The following N4BP2 variants were observed in gnomAD, a reference collection of about 807,000 sequenced individuals.
The protein encoded by N4BP2 is NEDD4-binding protein 2.
A neutral mutation model predicts 152.8 loss-of-function variants in N4BP2; 91 were observed. The observed-to-expected ratio is 0.60, with a 90% CI of 0.50 to 0.71. N4BP2 has a LOEUF of 0.71. Among genes scored for constraint, N4BP2 ranks in the 30% least tolerant of loss-of-function variants. N4BP2 has a pLI of 0.00. For synonymous variants in N4BP2, 646 were observed against 705.3 expected, an observed-to-expected ratio of 0.92 and a Z score of 1.33; for missense variants, 1,923 against 2,059.1, an observed-to-expected ratio of 0.93 and a Z score of 1.28.
intron 3 of N4BP2, among the ~76,000 whole-genome samples, chr4:40,099,820 T>C (rs1370970407): frequency 6.6e-6 from 1 of 152,204 alleles, no homozygotes; most frequent in Non-Finnish European, 1.5e-5. Flanking sequence ...ATTAAGTTTT[T>C]AGTTGATCTT....
At chr4:40,066,043 G>GC (rs1734014195) in intron 1 of N4BP2, among the ~76,000 whole-genome samples, 1 of 151,778 alleles carries the variant, frequency 6.6e-6, no homozygotes, top group South Asian at 2.1e-4. Flanking sequence ...CGATTCTCCT[G>GC]CCTCAGTCTC....
the N4BP2 span, among the ~76,000 whole-genome samples, chr4:40,178,060 T>C: frequency 1.1e-4 from 16 of 152,210 alleles, no homozygotes; most frequent in Non-Finnish European, 1.2e-4. Context: ...CTCAGGAGGC[T>C]GAGGCAGGAG....
rs147367726 is a variant in N4BP2 at position 40,136,324 on chromosome 4, T to A, written c.4647-620T>A. Among the ~76,000 whole-genome samples the A allele has an allele frequency of 2.4e-3, 359 of 151,526 alleles. 1 individual carries two copies. Among genetic ancestry groups the A allele is most frequent in the African/African-American group, 8.2e-3 (340 of 41,350 alleles). Reference sequence around the variant, plus strand: ...GATTTGTTATGGCTAATCTGCCTGGTATAAAGGATTAGAAATTGAATCTAT... The same window carrying A: ...GATTTGTTATGGCTAATCTGCCTGGAATAAAGGATTAGAAATTGAATCTAT... On this transcript the variant is annotated intron_variant, in intron 13 of 17. Transcript: ENST00000261435.
At position 40,154,189 on chromosome 4, in the gene N4BP2, C is replaced by T. The variant is rs376745415; in HGVS notation, c.5268-3C>T. On this transcript the variant is annotated splice_region_variant and splice_polypyrimidine_tract_variant and intron_variant, in intron 17 of 17. Transcript: ENST00000261435. ...TAAAATAACTCTTTTCTCATTTCTG[C>T]AGGTTCTCTGAAATTAAACCAGGGT... is the stretch of plus-strand genomic sequence containing the variant. 431 of 1,595,810 alleles carry T rather than the reference C, an allele frequency of 2.7e-4. No homozygotes were observed. The Middle Eastern group carries it at 3.5e-3, about 13-fold the overall frequency.
In N4BP2 at chr4:40,131,842, A is replaced by G. The variant is rs754663519; in HGVS notation, c.4569A>G (p.Lys1523=). 1.6e-5 allele frequency: 26 copies of G among 1,613,644 alleles called. No homozygotes were observed. The highest frequency in any genetic ancestry group is 2.2e-5 in the Non-Finnish European group (26 of 1,179,764). Reference sequence around the variant, plus strand: ...TGTTTGAAAAAGATTGTGCCACTAAACTAAAGGAGAAGCAGCTCTTTAAGA... The same window carrying G: ...TGTTTGAAAAAGATTGTGCCACTAAGCTAAAGGAGAAGCAGCTCTTTAAGA... ...TLMFEKDCAT[K]LKEKQLFKIF... is the part of the protein sequence containing the mutation. Residue 1523 remains lysine (K), a synonymous_variant, in exon 13 of 18, where the codon AAA becomes AAG. Transcript: ENST00000261435.
At chr4:40,154,080 T>G (rs536401066) in intron 17 of N4BP2, 112 bp from the exon 18 acceptor site, 1 of 738,656 alleles carries the variant, frequency 1.4e-6, no homozygotes, top group South Asian at 1.7e-5. Flanking sequence ...GGGTCAATAC[T>G]TTGGTAGTAA....
intron 3 of N4BP2, among the ~76,000 whole-genome samples, chr4:40,100,925 C>G (rs921713342): frequency 1.3e-5 from 2 of 152,130 alleles, no homozygotes; most frequent in Admixed American, 6.5e-5. Context: ...AAGTTCCCTT[C>G]GAAAATAAAA....
Position 40,144,793 on chromosome 4 carries a change from G to T in N4BP2, c.5136G>T (p.Lys1712Asn). The change falls in exon 16 of 18, where the codon AAG (lysine) becomes AAT (asparagine). Residue 1712 changes from lysine (K) to asparagine (N), a missense_variant. Physicochemically the swap from Lys to Asn is moderately conservative, Grantham distance 94. Transcript: ENST00000261435. The stretch of plus-strand genomic sequence containing the variant: ...ATTTGATGAGAGTTTTAGAGAAGAA[G>T]ACTGAAGGTAGGACTGTGGTAATCA... ...LEHLMRVLEK[K>N]TEEFKQNGGK... 1.2e-6 allele frequency: 2 copies of T among 1,609,948 alleles called. No individual in the cohort carries two copies. Among genetic ancestry groups the T allele is most frequent in the Non-Finnish European group, 1.7e-6 (2 of 1,178,140 alleles).
At chr4:40,082,145 G>A (rs1468117357) in intron 2 of N4BP2, among the ~76,000 whole-genome samples, 1 of 151,766 alleles carries the variant, frequency 6.6e-6, no homozygotes. Context: ...GTGTGGTAGC[G>A]AGCGCCTGTA....
Position 40,120,557 on chromosome 4 carries a change from G to A in N4BP2, c.2446G>A (p.Asp816Asn), listed in dbSNP as rs778351595. 27 of 1,613,822 alleles carry A rather than the reference G, an allele frequency of 1.7e-5. No individual in the cohort carries two copies. Among genetic ancestry groups the A allele is most frequent in the African/African-American group, 5.3e-5 (4 of 74,878 alleles). The part of the protein sequence containing the change: ...KTEKTSSVQS[D>N]KKYNYPQSHK... ...TGAAAAAACTTCATCCGTACAAAGC[G>A]ACAAAAAGTATAATTACCCTCAGTC... The change falls in exon 9 of 18, where the codon GAC becomes AAC. Residue 816 changes from aspartate (D) to asparagine (N), a missense_variant. Asp to Asn is a conservative substitution (Grantham distance 23). Coordinates refer to ENST00000261435, the MANE Select transcript of N4BP2 (RefSeq NM_018177.6).
downstream of N4BP2, among the ~76,000 whole-genome samples, chr4:40,159,409 T>C (rs375454351): frequency 1.8e-4 from 28 of 152,236 alleles, no homozygotes; most frequent in Non-Finnish European, 3.4e-4. Context: ...ATTCCAGGAC[T>C]GCTTTACTTG....
At chr4:40,131,736 C>T in intron 12 of N4BP2, 65 bp from the exon 13 acceptor site, 1 of 1,181,970 alleles carries the variant, frequency 8.5e-7, no homozygotes, top group Non-Finnish European at 1.2e-6. Context: ...TTAACCATGC[C>T]TTTGGTCAGT....
chr4:40,127,630 T>TACTATTAAAGATGTCTATCTC (rs1718530836), intron 12 of N4BP2, among the ~76,000 whole-genome samples: 1 of 151,924 alleles, frequency 6.6e-6, no homozygotes, highest in South Asian at 2.1e-4. Flanking sequence ...ATGTCTATCT[T>TACTATTAAAGATGTCTATCTC]ACTATTAAAG....
chr4:40,095,728 C>A (rs745488679), intron 2 of N4BP2, among the ~76,000 whole-genome samples: 9 of 152,096 alleles, frequency 5.9e-5, no homozygotes, highest in Non-Finnish European at 1.2e-4. Flanking sequence ...ATAGAGAAAT[C>A]ATTGAATGTG....
chr4:40,120,327 T>C lies in N4BP2; in HGVS notation c.2216T>C (p.Leu739Pro), dbSNP rs772496937. 6.2e-7 allele frequency: 1 copy of C among 1,612,774 alleles called. No homozygotes were observed. Among genetic ancestry groups the C allele is most frequent in the Non-Finnish European group, 8.5e-7 (1 of 1,179,650 alleles). ...CSENNQEDCD[L>P]ANSGPLQNEK... ...GAAAATAATCAAGAAGACTGTGATC[T>C]TGCAAATAGTGGACCACTTCAAAAT... The change falls in exon 9 of 18, where the codon CTT becomes CCT. Residue 739 changes from leucine to proline, a missense_variant. By Grantham distance (98) the Leu-to-Pro change is moderately conservative. Coordinates refer to ENST00000261435, the MANE Select transcript of N4BP2 (RefSeq NM_018177.6).
At chr4:40,061,603 G>A (rs976424764) in intron 1 of N4BP2, among the ~76,000 whole-genome samples, 1 of 151,872 alleles carries the variant, frequency 6.6e-6, no homozygotes, top group Non-Finnish European at 1.5e-5. Flanking sequence ...AACCTCAGGT[G>A]ATCCGCCCGC....
Position 40,140,723 on chromosome 4 carries a change from A to T in N4BP2, c.4786-1950A>T, listed in dbSNP as rs148512410. 2.3e-3 allele frequency among the ~76,000 whole-genome samples: 357 copies of T among 151,958 alleles called. 1 individual carries two copies. The highest frequency in any genetic ancestry group is 8.3e-3 in the African/African-American group (343 of 41,386). Reference sequence around the variant, plus strand: ...ACAAAGGTCTCTGGTTTTCCTAGGCAGAGGACCCTGCGGCCTTCCGCAGTG... The same window carrying T: ...ACAAAGGTCTCTGGTTTTCCTAGGCTGAGGACCCTGCGGCCTTCCGCAGTG... On this transcript the variant is annotated intron_variant, in intron 14 of 17. Transcript: ENST00000261435.
chr4:40,091,981 CAAAAAA>C (rs1189250112), intron 2 of N4BP2, among the ~76,000 whole-genome samples: 2 of 20,032 alleles, frequency 1.0e-4, no homozygotes, highest in African/African-American at 1.9e-4. Context: ...GACCTTGTGT[CAAAAAA>C]AAAAAAAAAA....
At chr4:40,136,872 T>C (rs1474458044) in intron 13 of N4BP2, 72 bp from the exon 14 acceptor site, 1 of 1,136,150 alleles carries the variant, frequency 8.8e-7, no homozygotes, top group Non-Finnish European at 1.3e-6. Flanking sequence ...TGTTTGAAGA[T>C]TGCTTGTGTT....
Sources: gnomAD v4.1 joint callset for allele counts (sites outside exome capture counted in the v4.1 genomes callset) on GRCh38, gnomAD v4.1.1 for gene constraint, MANE v1.5 for transcripts, NCBI Gene and HGNC (gene_info 2026-07-23, HGNC 2026-07-21) for gene names.